The following CFAP47 variants were observed in gnomAD, a reference collection of about 807,000 sequenced individuals.
The protein encoded by CFAP47 is cilia- and flagella-associated protein 47.
CFAP47 carries 29 observed loss-of-function variants against 148.1 expected under a neutral mutation model. That is an observed-to-expected ratio of 0.20 (90% CI 0.15 to 0.27). CFAP47 has a LOEUF of 0.27. CFAP47 is among the 10% of genes least tolerant of loss of function. CFAP47 has a pLI of 1.00. For synonymous variants in CFAP47, 664 were observed against 577.3 expected (o/e 1.15, Z -2.15); for missense variants, 1,872 against 1,697.5 (o/e 1.10, Z -1.81).
intron 55 of CFAP47, among the ~76,000 whole-genome samples, chrX:36,308,331 GA>G (rs1556009248): frequency 9.0e-6 from 1 of 111,373 alleles, no homozygotes; most frequent in Non-Finnish European, 1.9e-5. Context: ...ATTCAGCCAT[GA>G]TTAGACTTCA....
intron 2 of CFAP47, among the ~76,000 whole-genome samples, chrX:35,928,064 A>G (rs1264927486): frequency 9.2e-6 from 1 of 108,507 alleles, no homozygotes; most frequent in Non-Finnish European, 1.9e-5. Context: ...TTGAAGAACA[A>G]AGGGACAGAT....
chrX:36,361,055 T>C (rs1017641784), intron 60 of CFAP47, among the ~76,000 whole-genome samples: 4 of 111,767 alleles, frequency 3.6e-5, no homozygotes, highest in African/African-American at 1.3e-4. Context: ...TTTCTTGTTT[T>C]ATAGACCTGA....
At chrX:35,986,020 G>A in intron 15 of CFAP47, 1 of 265,342 alleles carries the variant, frequency 3.8e-6, no homozygotes, top group Non-Finnish European at 7.5e-6. Flanking sequence ...ATTGCCCATG[G>A]TCTCAGGTAG....
At chrX:36,168,854 T>G (rs916980892) in intron 39 of CFAP47, among the ~76,000 whole-genome samples, 1 of 112,479 alleles carries the variant, frequency 8.9e-6, no homozygotes, top group Admixed American at 9.4e-5. Context: ...TTACCTCTTG[T>G]GGTTTTGATT....
chrX:36,176,337 G>T (rs759297743), intron 39 of CFAP47, among the ~76,000 whole-genome samples: 9 of 112,272 alleles, frequency 8.0e-5, no homozygotes, highest in South Asian at 3.7e-4. Context: ...CTGTATGGTG[G>T]TTCTAATGCT....
Position 35,956,172 on chromosome X carries a change from C to A in CFAP47, c.1386C>A (p.Gly462=), listed in dbSNP as rs770466227. 38 of 1,205,052 alleles carry A rather than the reference C, an allele frequency of 3.2e-5. No individual in the cohort carries two copies. The highest frequency in any genetic ancestry group is 4.2e-5 in the Non-Finnish European group (37 of 890,883). The change falls in exon 8 of 64, where the codon GGC becomes GGA. Residue 462 remains glycine (G), a synonymous_variant. Coordinates refer to ENST00000378653, the MANE Select transcript of CFAP47 (RefSeq NM_001304548.2). ...ATTTTGAAATTGATCCTGAAAAGGG[C>A]AAGATTACTGGAGGGGGTATGGTGG... ...TANFEIDPEK[G]KITGGGMVDV...
In CFAP47 at chrX:36,072,045, G is replaced by A. The variant is rs766906311; in HGVS notation, c.4465+74G>A. On this transcript the variant is annotated intron_variant, in intron 28 of 63. Transcript: ENST00000378653. ...ATCTCCTTAATATCACTTAATTTAA[G>A]GTTAGGTTTTTACAAATAACAAGAA... The A allele has an allele frequency of 2.4e-5, 20 of 820,816 alleles. No homozygotes were observed. The South Asian group carries it at 4.5e-4, about 18-fold the overall frequency. 67.6% of individuals were successfully genotyped at this position (820,816 alleles called of 1,213,427 possible). A position where few individuals can be genotyped will look rare whatever the true frequency, so the allele number is the denominator to read the frequency against.
At chrX:36,107,180 C>A (rs1938480363) in intron 33 of CFAP47, among the ~76,000 whole-genome samples, 1 of 111,871 alleles carries the variant, frequency 8.9e-6, no homozygotes, top group African/African-American at 3.2e-5. Flanking sequence ...CAAAAAATAA[C>A]AATTCCATTG....
chrX:36,309,946 T>C (rs1380653903), intron 55 of CFAP47, among the ~76,000 whole-genome samples: 1 of 111,046 alleles, frequency 9.0e-6, no homozygotes, highest in African/African-American at 3.2e-5. Context: ...TTTAATTCTC[T>C]CTACTAAGGA....
At chrX:36,350,681 ATTAT>A (rs1315180520) in intron 59 of CFAP47, among the ~76,000 whole-genome samples, 11 of 101,625 alleles carry the variant, frequency 1.1e-4, no homozygotes, top group African/African-American at 4.2e-4. Flanking sequence ...CTTTATTATT[ATTAT>A]TTATTTATTT....
chrX:35,939,025 C>A (rs1014526189), intron 2 of CFAP47, among the ~76,000 whole-genome samples: 3 of 111,541 alleles, frequency 2.7e-5, no homozygotes, highest in African/African-American at 9.8e-5. Context: ...TCTATTTCTC[C>A]TTTTGTATAA....
chrX:36,370,265 AG>A (rs1941918911), intron 62 of CFAP47, among the ~76,000 whole-genome samples: 1 of 9,685 alleles, frequency 1.0e-4, no homozygotes, highest in Non-Finnish European at 2.5e-4. Flanking sequence ...CCCACCCCCC[AG>A]CAGGCCCCAG....
intron 14 of CFAP47, 32 bp from the exon 15 acceptor site, chrX:35,975,640 A>T (rs1936558616): frequency 8.4e-7 from 1 of 1,194,585 alleles, no homozygotes; most frequent in African/African-American, 1.8e-5. Context: ...AACTATTATC[A>T]GTTAAATTTG....
chrX:36,140,346 T>C (rs1030295874), intron 35 of CFAP47, among the ~76,000 whole-genome samples: 3 of 111,830 alleles, frequency 2.7e-5, no homozygotes, highest in African/African-American at 9.7e-5. Context: ...AAATTTAAAA[T>C]ACCTTTGTTT....
At chrX:36,240,590 G>A (rs1391580887) in intron 48 of CFAP47, among the ~76,000 whole-genome samples, 3 of 110,129 alleles carry the variant, frequency 2.7e-5, no homozygotes, top group South Asian at 7.7e-4. Flanking sequence ...CTGGGGAAGA[G>A]GAAAAAATAA....
At position 36,099,802 on chromosome X, in the gene CFAP47, T is replaced by G; in HGVS notation, c.5050T>G (p.Ser1684Ala). Reference sequence around the variant, plus strand: ...TTCCTGTACACCTAAGAAAAAATGTTCTATTGTTATAGAAATGTCTAAATT... The same window carrying G: ...TTCCTGTACACCTAAGAAAAAATGTGCTATTGTTATAGAAATGTCTAAATT... ...VSSCTPKKKC[S>A]IVIEMSKFEA... The change falls in exon 32 of 64, where the codon TCT becomes GCT. Residue 1684 changes from serine to alanine, a missense_variant. Transcript: ENST00000378653. 1.1e-6 allele frequency: 1 copy of G among 888,805 alleles called. No homozygotes were observed. Among genetic ancestry groups the G allele is most frequent in the Non-Finnish European group, 1.7e-6 (1 of 602,293 alleles). The allele number at this position is 888,805 out of a possible 1,213,427, so 73.2% of individuals were successfully genotyped here.
intron 15 of CFAP47, among the ~76,000 whole-genome samples, chrX:35,976,846 T>C (rs1348998728): frequency 8.9e-6 from 1 of 111,937 alleles, no homozygotes; most frequent in Non-Finnish European, 1.9e-5. Flanking sequence ...ATCTCAGATA[T>C]ACCATTTTTG....
At chrX:36,365,308 C>A (rs924855945) in intron 61 of CFAP47, among the ~76,000 whole-genome samples, 12 of 110,396 alleles carry the variant, frequency 1.1e-4, no homozygotes, top group Non-Finnish European at 1.9e-4. Flanking sequence ...ATTTTAGCAG[C>A]ACCCTATTGA....
intron 24 of CFAP47, among the ~76,000 whole-genome samples, chrX:36,038,029 A>G (rs1937359045): frequency 1.8e-5 from 2 of 111,296 alleles, no homozygotes; most frequent in African/African-American, 6.5e-5. Flanking sequence ...TTTTCCAAGA[A>G]CACTAGACTA....
Sources: allele counts gnomAD v4.1 joint callset (sites outside exome capture counted in the v4.1 genomes callset), GRCh38; gene constraint gnomAD v4.1.1; transcripts MANE v1.5; gene names NCBI Gene and HGNC (gene_info 2026-07-23, HGNC 2026-07-21).